Variants in TDRD7 observed in about 807,000 individuals in gnomAD.
TDRD7 encodes the protein tudor domain containing 7.
A neutral mutation model predicts 109.8 loss-of-function variants in TDRD7; 47 were observed. The ratio of observed to expected loss-of-function variants is 0.43; its 90% CI spans 0.34 to 0.55. TDRD7 has a LOEUF of 0.55. Among genes scored for constraint, TDRD7 ranks in the 20% least tolerant of loss-of-function variants. The pLI is 0.03. For synonymous variants in TDRD7, 424 were observed against 457.3 expected (o/e 0.93, Z 0.93); for missense variants, 1,164 against 1,319.2 (o/e 0.88, Z 1.82).
chr9:97,422,138 A>C (rs1347408735), intron 1 of TDRD7, among the ~76,000 whole-genome samples: 1 of 152,202 alleles, frequency 6.6e-6, no homozygotes, highest in East Asian at 1.9e-4. Context: ...CACACCTGTA[A>C]TCCCAGCACT....
chr9:97,441,006 T>C (rs760517525), intron 5 of TDRD7, among the ~76,000 whole-genome samples: 8 of 152,202 alleles, frequency 5.3e-5, no homozygotes, highest in Non-Finnish European at 7.4e-5. Flanking sequence ...TTATGAAAGA[T>C]AAATGATTGA....
At chr9:97,486,543 G>A (rs1001660447) in intron 15 of TDRD7, among the ~76,000 whole-genome samples, 1 of 151,964 alleles carries the variant, frequency 6.6e-6, no homozygotes, top group African/African-American at 2.4e-5. Flanking sequence ...TAATGACCTT[G>A]TCATAATTAA....
At chr9:97,449,906 C>T (rs756862428) in intron 6 of TDRD7, among the ~76,000 whole-genome samples, 34 of 152,158 alleles carry the variant, frequency 2.2e-4, no homozygotes, top group Admixed American at 1.8e-3. Context: ...ATATATTTCA[C>T]GGTATCACAG....
intron 6 of TDRD7, among the ~76,000 whole-genome samples, chr9:97,445,982 A>G (rs1331446114): frequency 6.6e-6 from 1 of 152,158 alleles, no homozygotes; most frequent in East Asian, 1.9e-4. Context: ...ATTTAAAAAA[A>G]TTAGCTGGGC....
chr9:97,414,587 AGGG>A (rs1827781189), intron 1 of TDRD7, among the ~76,000 whole-genome samples: 1 of 152,046 alleles, frequency 6.6e-6, no homozygotes, highest in Non-Finnish European at 1.5e-5. Flanking sequence ...TTATTATCTC[AGGG>A]TTTTTTCGTC....
At chr9:97,460,831 G>A (rs760220256) in intron 7 of TDRD7, 67 bp downstream of exon 7, 60 of 1,418,402 alleles carry the variant, frequency 4.2e-5, no homozygotes, top group Non-Finnish European at 5.5e-5. Flanking sequence ...TCTTCACATG[G>A]ATGTTGAGGG....
intron 4 of TDRD7, among the ~76,000 whole-genome samples, chr9:97,434,579 T>C (rs188835678): frequency 7.2e-4 from 110 of 152,274 alleles, no homozygotes; most frequent in Non-Finnish European, 8.8e-4. Flanking sequence ...TATCAAAATA[T>C]CACATCATAT....
At chr9:97,417,117 A>G (rs748200583) in intron 1 of TDRD7, among the ~76,000 whole-genome samples, 1 of 152,154 alleles carries the variant, frequency 6.6e-6, no homozygotes, top group African/African-American at 2.4e-5. Flanking sequence ...TGGAGTCAAT[A>G]TGTCCCAGGT....
chr9:97,424,952 A>G lies in TDRD7; in HGVS notation c.-6-3508A>G, dbSNP rs1377364755. Among the ~76,000 whole-genome samples the G allele has an allele frequency of 5.9e-5, 9 of 151,756 alleles. No homozygotes were observed. In the East Asian group the frequency reaches 1.7e-3, roughly 29 times the overall value. On this transcript the variant is annotated intron_variant, in intron 1 of 16. Coordinates refer to ENST00000355295, the MANE Select transcript of TDRD7 (RefSeq NM_014290.3). Reference sequence around the variant, plus strand: ...TACTGGCATATTATTATACCTTTTTAAAAAATTTTAGTGGTTGCCATATGG... The same window carrying G: ...TACTGGCATATTATTATACCTTTTTGAAAAATTTTAGTGGTTGCCATATGG...
chr9:97,438,663 A>G (rs1165587544), intron 4 of TDRD7, among the ~76,000 whole-genome samples: 4 of 152,174 alleles, frequency 2.6e-5, no homozygotes, highest in South Asian at 4.1e-4. Context: ...TATAAAATTT[A>G]TTTTTAGTGA....
At chr9:97,436,634 C>A (rs1327206071) in intron 4 of TDRD7, among the ~76,000 whole-genome samples, 1 of 152,150 alleles carries the variant, frequency 6.6e-6, no homozygotes, top group Non-Finnish European at 1.5e-5. Flanking sequence ...TTTAGAAAAG[C>A]ATTTCCACTC....
At chr9:97,482,228 G>C (rs1829127918) in intron 14 of TDRD7, among the ~76,000 whole-genome samples, 1 of 152,132 alleles carries the variant, frequency 6.6e-6, no homozygotes, top group Non-Finnish European at 1.5e-5. Context: ...CCCGTTCTGT[G>C]GAGCTTGCTT....
At chr9:97,462,098 A>G (rs1227512454) in intron 7 of TDRD7, among the ~76,000 whole-genome samples, 1 of 152,194 alleles carries the variant, frequency 6.6e-6, no homozygotes, top group Non-Finnish European at 1.5e-5. Context: ...AATATGTTTC[A>G]CTATTGTATT....
intron 16 of TDRD7, 36 bp downstream of exon 16, chr9:97,487,368 A>G: frequency 1.2e-6 from 2 of 1,613,280 alleles, no homozygotes; most frequent in Non-Finnish European, 1.7e-6. Context: ...TGCTACAACA[A>G]TGCAATATTG....
At chr9:97,479,266 C>G (rs951716004) in intron 13 of TDRD7, among the ~76,000 whole-genome samples, 4 of 152,190 alleles carry the variant, frequency 2.6e-5, no homozygotes, top group Admixed American at 2.6e-4. Flanking sequence ...TTTGACATGT[C>G]TCTCCCTCCC....
intron 6 of TDRD7, among the ~76,000 whole-genome samples, chr9:97,457,553 C>A (rs1412815185): frequency 6.6e-6 from 1 of 152,008 alleles, no homozygotes; most frequent in Non-Finnish European, 1.5e-5. Context: ...TAATATTTTG[C>A]ATTTTTAGTA....
intron 2 of TDRD7, 132 bp downstream of exon 2, chr9:97,428,804 AG>A: frequency 2.5e-6 from 2 of 799,592 alleles, no homozygotes; most frequent in Non-Finnish European, 4.2e-6. Context: ...TGGTAGTGAC[AG>A]AGAAAACAGC....
intron 16 of TDRD7, among the ~76,000 whole-genome samples, chr9:97,489,502 T>C (rs532940923): frequency 6.6e-6 from 1 of 152,366 alleles, no homozygotes; most frequent in African/African-American, 2.4e-5. Flanking sequence ...GGTATATCTT[T>C]CTCCATCCCT....
intron 8 of TDRD7, among the ~76,000 whole-genome samples, chr9:97,467,385 G>T (rs559315121): frequency 2.6e-5 from 4 of 152,256 alleles, no homozygotes; most frequent in Non-Finnish European, 5.9e-5. Flanking sequence ...TCAGGCTCTC[G>T]TGTCAGATAG....
Sources: gnomAD v4.1 joint callset for allele counts (sites outside exome capture counted in the v4.1 genomes callset) on GRCh38, gnomAD v4.1.1 for gene constraint, MANE v1.5 for transcripts, NCBI Gene and HGNC (gene_info 2026-07-23, HGNC 2026-07-21) for gene names.